The following KCNJ1 variants were observed in gnomAD, a reference collection of about 807,000 sequenced individuals.
The protein encoded by KCNJ1 is ATP-sensitive inward rectifier potassium channel 1.
Under a neutral mutation model 21.9 loss-of-function variants are expected in KCNJ1, and 24 were observed. The ratio of observed to expected loss-of-function variants is 1.10; its 90% CI spans 0.79 to 1.54. The LOEUF is 1.54. Ranked by LOEUF, KCNJ1 falls within the 40% of genes most tolerant of loss-of-function variation. The pLI, the probability that KCNJ1 is intolerant of heterozygous loss-of-function variation, is 0.00. For missense variants in KCNJ1, 457 were observed against 455.4 expected (o/e 1.00, Z -0.03); for synonymous variants, 152 against 160.9 (o/e 0.94, Z 0.42).
rs146436911 is a variant in KCNJ1, at chr11:128,843,194, C to G, written c.-21-2930G>C. On this transcript the variant is annotated intron_variant, in intron 2 of 2. Transcript: ENST00000392666. ...CCAAAACTGTCATTCACATGGCAGACCTATTATTGCACAGATCCTACTTTT... is the reference window on the plus strand; with the variant it reads ...CCAAAACTGTCATTCACATGGCAGAGCTATTATTGCACAGATCCTACTTTT... 2.0e-3 allele frequency among the ~76,000 whole-genome samples: 300 copies of G among 152,278 alleles called. 4 individuals are homozygous for G. In the East Asian group the frequency reaches 0.049, roughly 25 times the overall value.
intron 1 of KCNJ1, among the ~76,000 whole-genome samples, chr11:128,861,685 A>T (rs1943710741): frequency 6.6e-6 from 1 of 152,060 alleles, no homozygotes; most frequent in South Asian, 2.1e-4. Context: ...GATTTCCAAA[A>T]ACACCAGCCC....
At chr11:128,864,903 G>T (rs946018923) in intron 1 of KCNJ1, among the ~76,000 whole-genome samples, 3 of 151,932 alleles carry the variant, frequency 2.0e-5, no homozygotes, top group African/African-American at 7.3e-5. Context: ...CACTGTGCAG[G>T]CAGAGCAACT....
intron 2 of KCNJ1, among the ~76,000 whole-genome samples, chr11:128,843,310 G>A (rs989948704): frequency 6.6e-6 from 1 of 152,170 alleles, no homozygotes; most frequent in African/African-American, 2.4e-5. Flanking sequence ...TGGTGTCTGG[G>A]TTATATAATA....
intron 2 of KCNJ1, among the ~76,000 whole-genome samples, chr11:128,843,323 C>T (rs528425667): frequency 6.6e-6 from 1 of 152,146 alleles, no homozygotes; most frequent in African/African-American, 2.4e-5. Context: ...ATATAATATG[C>T]TCAGTTTTTA....
In KCNJ1 at chr11:128,840,146, T is replaced by A; in HGVS notation, c.98A>T (p.Glu33Val). 6.2e-7 allele frequency: 1 copy of A among 1,614,170 alleles called. No individual in the cohort carries two copies. Among genetic ancestry groups the A allele is most frequent in the Non-Finnish European group, 8.5e-7 (1 of 1,180,032 alleles). The change falls in exon 3 of 3, where the codon GAA becomes GTA. Residue 33 changes from glutamate (E) to valine (V), a missense_variant. Glu to Val is a moderately radical substitution (Grantham distance 121). Transcript: ENST00000392666. ...TGACTGTGCCTCCACATTGCCAAAT[T>A]CTATGTTGCACCTTCCATCTTTGGA... Reference protein sequence around the residue: ...LVSKDGRCNIEFGNVEAQSRF... With the variant: ...LVSKDGRCNIVFGNVEAQSRF...
intron 2 of KCNJ1, 119 bp from the exon 3 acceptor site, chr11:128,840,383 C>T (rs1331795489): frequency 1.7e-5 from 17 of 978,716 alleles, no homozygotes; most frequent in Non-Finnish European, 2.5e-5. Flanking sequence ...GGTTACTAAT[C>T]ATTTGGCAAG....
At chr11:128,860,686 G>A (rs1294954629) in intron 1 of KCNJ1, among the ~76,000 whole-genome samples, 1 of 152,212 alleles carries the variant, frequency 6.6e-6, no homozygotes, top group African/African-American at 2.4e-5. Flanking sequence ...ACCCCAAGGG[G>A]CAGGCGGGAT....
chr11:128,842,522 C>A, intron 2 of KCNJ1: 3 of 1,589,828 alleles, frequency 1.9e-6, no homozygotes, highest in Non-Finnish European at 1.7e-6. Flanking sequence ...AGTGGACTGA[C>A]GCTAATTTGT....
At chr11:128,864,457 T>G (rs1943781013) in intron 1 of KCNJ1, among the ~76,000 whole-genome samples, 1 of 152,170 alleles carries the variant, frequency 6.6e-6, no homozygotes, top group Non-Finnish European at 1.5e-5. Context: ...TGAAGATGTT[T>G]GTTTTTGTTG....
At chr11:128,855,282 T>C (rs2135954732) in intron 1 of KCNJ1, among the ~76,000 whole-genome samples, 1 of 152,342 alleles carries the variant, frequency 6.6e-6, no homozygotes, top group Middle Eastern at 3.4e-3. Flanking sequence ...GATGGGTTTA[T>C]TCTTTTTCCC....
chr11:128,845,228 A>T (rs662765), intron 2 of KCNJ1, among the ~76,000 whole-genome samples: 18,710 of 152,240 alleles, frequency 0.12, 1,350 homozygotes, highest in South Asian at 0.29. Flanking sequence ...CTAGGAAACA[A>T]TGCAAGGTAA....
chr11:128,864,154 T>G (rs988757866), intron 1 of KCNJ1, among the ~76,000 whole-genome samples: 3 of 137,638 alleles, frequency 2.2e-5, no homozygotes, highest in African/African-American at 8.1e-5. Flanking sequence ...TGGCACGATC[T>G]CAGCTCACTG....
chr11:128,848,097 G>A (rs1943413745), intron 2 of KCNJ1, among the ~76,000 whole-genome samples: 2 of 151,962 alleles, frequency 1.3e-5, no homozygotes, highest in Admixed American at 1.3e-4. Context: ...GACCATCCTG[G>A]CTAACATGGT....
At chr11:128,860,623 C>G (rs1413645757) in intron 1 of KCNJ1, among the ~76,000 whole-genome samples, 1 of 152,192 alleles carries the variant, frequency 6.6e-6, no homozygotes, top group Non-Finnish European at 1.5e-5. Context: ...GCCTTGTAAC[C>G]CACATCAGCT....
Position 128,839,999 on chromosome 11 carries a change from G to A in KCNJ1, c.245C>T (p.Ala82Val). 2 of 1,614,082 alleles carry A rather than the reference G, an allele frequency of 1.2e-6. No homozygotes were observed. Among genetic ancestry groups the A allele is most frequent in the Non-Finnish European group, 1.7e-6 (2 of 1,179,990 alleles). ...SWFFFGLLWY[A>V]VAYIHKDLPE... ...GAGGTCTTTGTGAATGTACGCTACT[G>A]CATACCACAGGAGACCAAAGAAAAA... The change falls in exon 3 of 3, where the codon GCA becomes GTA. Residue 82 changes from alanine to valine, a missense_variant. Transcript: ENST00000392666.
chr11:128,845,141 G>C (rs1324768192), intron 2 of KCNJ1, among the ~76,000 whole-genome samples: 3 of 152,248 alleles, frequency 2.0e-5, no homozygotes, highest in South Asian at 2.1e-4. Flanking sequence ...TTATGGGGCA[G>C]AGCCCCTTCC....
rs1240041487 is a variant in KCNJ1 at position 128,838,164 on chromosome 11, C to A, written c.*961G>T. 1 of 152,626 alleles carries A rather than the reference C, an allele frequency of 6.6e-6. No homozygotes were observed. The highest frequency in any genetic ancestry group is 1.9e-4 in the East Asian group (1 of 5,204). The allele number at this position is 152,626 out of a possible 1,614,324, so 9.5% of individuals were successfully genotyped here. A position where few individuals can be genotyped will look rare whatever the true frequency, so the allele number is the denominator to read the frequency against. ...GAAGACTTTCACAGTAAAACTTTCC[C>A]CTCAAGGTCGAGCCTTCCATAAGCT... On this transcript the variant is annotated 3_prime_UTR_variant, in exon 3 of 3. Coordinates refer to ENST00000392666, the MANE Select transcript of KCNJ1 (RefSeq NM_153766.3).
chr11:128,863,629 G>A (rs905820611), intron 1 of KCNJ1, among the ~76,000 whole-genome samples: 22 of 152,188 alleles, frequency 1.4e-4, no homozygotes, highest in African/African-American at 4.8e-4. Flanking sequence ...TGGATTTGAT[G>A]AGGCTTTACA....
chr11:128,857,954 TAGCATTTATTGGCTTAATAA>T (rs1418593920), intron 1 of KCNJ1, among the ~76,000 whole-genome samples: 1 of 152,194 alleles, frequency 6.6e-6, no homozygotes, highest in Admixed American at 6.5e-5. Context: ...TACCTAATTT[TAGCATTTATTGGCTTAATAA>T]AGGGTTTAAA....
Sources: gnomAD v4.1 joint callset for allele counts (sites outside exome capture counted in the v4.1 genomes callset) on GRCh38, gnomAD v4.1.1 for gene constraint, MANE v1.5 for transcripts, NCBI Gene and HGNC (gene_info 2026-07-23, HGNC 2026-07-21) for gene names.